ANO2: variants seen among roughly 807,000 people sequenced by gnomAD.
ANO2 encodes anoctamin-2.
A neutral mutation model predicts 124.2 loss-of-function variants in ANO2; 101 were observed. The ratio of observed to expected loss-of-function variants is 0.81; its 90% CI spans 0.69 to 0.96. ANO2 has a LOEUF of 0.96. Among genes scored for constraint, ANO2 ranks in the 40% least tolerant of loss-of-function variants. ANO2 has a pLI of 0.00. For missense variants in ANO2, 1,293 were observed against 1,274.5 expected (o/e 1.01, Z -0.22); for synonymous variants, 486 against 482.5 (o/e 1.01, Z -0.09).
At chr12:5,574,022 C>T (rs1389282556) in intron 23 of ANO2, among the ~76,000 whole-genome samples, 1 of 152,226 alleles carries the variant, frequency 6.6e-6, no homozygotes, top group African/African-American at 2.4e-5. Flanking sequence ...TGCCCAGGGT[C>T]ATCACTGCTG....
chr12:5,647,791 T>C lies in ANO2; in HGVS notation c.1556A>G (p.Asp519Gly). The C allele has an allele frequency of 6.2e-7, 1 of 1,609,362 alleles. No individual in the cohort carries two copies. Among genetic ancestry groups the C allele is most frequent in the Non-Finnish European group, 8.5e-7 (1 of 1,178,026 alleles). The change falls in exon 15 of 25, where the codon GAT (aspartate) becomes GGT (glycine). Residue 519 changes from aspartate (D) to glycine (G), a missense_variant. Asp to Gly is a moderately conservative substitution (Grantham distance 94). Transcript: ENST00000682330. ...TTECGDEDDE[D>G]KLTWKDRFPG... ...GAAACGATCCTTCCAGGTCAGTTTATCTTCATCATCCTGGGGAGAAACGGG... is the reference window on the plus strand; with the variant it reads ...GAAACGATCCTTCCAGGTCAGTTTACCTTCATCATCCTGGGGAGAAACGGG...
intron 14 of ANO2, among the ~76,000 whole-genome samples, chr12:5,702,734 AGAGACAT>A (rs1250666815): frequency 6.6e-6 from 1 of 152,236 alleles, no homozygotes; most frequent in Admixed American, 6.5e-5. Flanking sequence ...TGCTGGATAG[AGAGACAT>A]TTCTTAAGAC....
At chr12:5,656,784 C>A (rs1947181362) in intron 14 of ANO2, among the ~76,000 whole-genome samples, 1 of 152,208 alleles carries the variant, frequency 6.6e-6, no homozygotes, top group Middle Eastern at 3.2e-3. Flanking sequence ...ATTTAACCAG[C>A]CTCACTTAGA....
At chr12:5,575,542 A>C (rs779565436) in intron 23 of ANO2, among the ~76,000 whole-genome samples, 5 of 152,230 alleles carry the variant, frequency 3.3e-5, no homozygotes, top group Non-Finnish European at 7.3e-5. Flanking sequence ...CCTAGGCTAT[A>C]AAGTATAGTC....
intron 3 of ANO2, among the ~76,000 whole-genome samples, chr12:5,914,377 G>A (rs113279828): frequency 0.062 from 9,465 of 152,174 alleles, 977 homozygotes; most frequent in African/African-American, 0.21. Flanking sequence ...CCTACAGGGT[G>A]AGGAGTCAGG....
rs376530948 is a variant in ANO2 at position 5,646,552 on chromosome 12, T to C, written c.1620+1175A>G. On this transcript the variant is annotated intron_variant, in intron 15 of 24. Coordinates refer to ENST00000682330, the MANE Select transcript of ANO2 (RefSeq NM_001364791.2). ...CTAAGCATGGTGTCAAGCACATCGT[T>C]TGACTCATTAAATATTGAATGAATG... Among the ~76,000 whole-genome samples the C allele has an allele frequency of 1.2e-3, 177 of 152,310 alleles. 1 individual carries two copies. The highest frequency in any genetic ancestry group is 3.4e-3 in the African/African-American group (142 of 41,564).
At chr12:5,727,094 A>G (rs1369993313) in intron 14 of ANO2, among the ~76,000 whole-genome samples, 1 of 152,192 alleles carries the variant, frequency 6.6e-6, no homozygotes, top group Non-Finnish European at 1.5e-5. Flanking sequence ...GTTCCCACCC[A>G]AATCTCATGT....
chr12:5,883,278 C>T (rs1938631310), intron 3 of ANO2, among the ~76,000 whole-genome samples: 1 of 152,200 alleles, frequency 6.6e-6, no homozygotes. Context: ...GTAGAGGACA[C>T]ATGTCCCCCA....
chr12:5,575,558 C>T (rs1942349236), intron 23 of ANO2, among the ~76,000 whole-genome samples: 1 of 152,154 alleles, frequency 6.6e-6, no homozygotes, highest in Non-Finnish European at 1.5e-5. Flanking sequence ...TAGTCTATTG[C>T]TCCCAGGCTA....
intron 10 of ANO2, among the ~76,000 whole-genome samples, chr12:5,758,210 G>A (rs191023308): frequency 1.3e-5 from 2 of 152,260 alleles, no homozygotes; most frequent in East Asian, 1.9e-4. Context: ...TCCTAGGCCC[G>A]AGATTCTGCA....
intron 7 of ANO2, among the ~76,000 whole-genome samples, chr12:5,812,135 TGCAGGGCAGGGCAGGGGAGTGGAGGGGAG>T (rs1953408992): frequency 1.0e-5 from 1 of 99,916 alleles, no homozygotes; most frequent in African/African-American, 4.1e-5. Context: ...GGGAAAATAG[TGCAGGGCAGGGCAGGGGAGTGGAGGGGAG>T]GCAGGGCAGA....
At chr12:5,698,673 G>A (rs112604339) in intron 14 of ANO2, among the ~76,000 whole-genome samples, 20,967 of 152,186 alleles carry the variant, frequency 0.14, 1,536 homozygotes, top group Middle Eastern at 0.23. Context: ...GTTCGAACCC[G>A]TCGCAAAGAA....
At chr12:5,627,620 T>A (rs753311540) in intron 16 of ANO2, among the ~76,000 whole-genome samples, 7 of 152,198 alleles carry the variant, frequency 4.6e-5, no homozygotes, top group Non-Finnish European at 1.0e-4. Flanking sequence ...AAGATTAGAT[T>A]CATATATGCT....
At chr12:5,578,130 A>T in intron 21 of ANO2, 123 bp from the exon 22 acceptor site, 1 of 1,323,410 alleles carries the variant, frequency 7.6e-7, no homozygotes, top group South Asian at 1.4e-5. Flanking sequence ...CCCCCCCAGA[A>T]TGGGCTTGTC....
At chr12:5,913,517 C>A (rs934489639) in intron 3 of ANO2, among the ~76,000 whole-genome samples, 4 of 152,328 alleles carry the variant, frequency 2.6e-5, no homozygotes, top group Admixed American at 2.6e-4. Flanking sequence ...TAACTGCTGA[C>A]CTCTGCAGAG....
chr12:5,731,228 G>A (rs538359363), intron 14 of ANO2, among the ~76,000 whole-genome samples: 2 of 152,256 alleles, frequency 1.3e-5, no homozygotes, highest in South Asian at 2.1e-4. Context: ...TGAGGGTGGC[G>A]GTGATGATTA....
intron 10 of ANO2, among the ~76,000 whole-genome samples, chr12:5,779,385 T>C (rs1952320689): frequency 6.6e-6 from 1 of 152,236 alleles, no homozygotes. Flanking sequence ...AATGCCTATT[T>C]TCTTCAGGAA....
chr12:5,647,896 T>C, intron 14 of ANO2, 95 bp from the exon 15 acceptor site: 1 of 868,914 alleles, frequency 1.2e-6, no homozygotes, highest in Non-Finnish European at 1.9e-6. Flanking sequence ...GATTGATCAT[T>C]ATCACTCTAT....
chr12:5,706,907 A>C (rs1036528152), intron 14 of ANO2, among the ~76,000 whole-genome samples: 6 of 152,232 alleles, frequency 3.9e-5, no homozygotes, highest in Non-Finnish European at 5.9e-5. Context: ...GCCAATGCTC[A>C]TGCTTCTCAC....
Sources: gnomAD v4.1 joint callset for allele counts (sites outside exome capture counted in the v4.1 genomes callset) on GRCh38, gnomAD v4.1.1 for gene constraint, MANE v1.5 for transcripts, NCBI Gene and HGNC (gene_info 2026-07-23, HGNC 2026-07-21) for gene names.